CAMTA2: variants seen among roughly 807,000 people sequenced by gnomAD.
CAMTA2 encodes the protein calmodulin-binding transcription activator 2.
Under a neutral mutation model 135.7 loss-of-function variants are expected in CAMTA2, and 56 were observed. The observed-to-expected ratio is 0.41, with a 90% CI of 0.33 to 0.52. The LOEUF (loss-of-function observed/expected upper bound fraction) is 0.52, where lower values mean the gene tolerates loss of function less well. Ranked by LOEUF, CAMTA2 falls within the 20% of genes least tolerant of loss-of-function variation. CAMTA2 has a pLI of 0.16. For synonymous variants in CAMTA2, 591 were observed against 604.6 expected (o/e 0.98, Z 0.33); for missense variants, 1,358 against 1,553.4 (o/e 0.87, Z 2.11).
At chr17:4,987,198 A>G (rs1973401997) in intron 1 of CAMTA2, 2 of 1,336,590 alleles carry the variant, frequency 1.5e-6, no homozygotes, top group African/African-American at 1.5e-5. Context: ...CTTGGGCTGC[A>G]CTTGGGCGGC....
At chr17:4,981,052 C>T (rs547220486) in intron 8 of CAMTA2, among the ~76,000 whole-genome samples, 173 bp downstream of exon 8, 2 of 152,268 alleles carry the variant, frequency 1.3e-5, no homozygotes, top group African/African-American at 2.4e-5. Context: ...AGGCTGATTC[C>T]GAGCCAGTGT....
intron 17 of CAMTA2, 62 bp downstream of exon 17, chr17:4,970,278 G>C (rs1972196389): frequency 1.3e-6 from 2 of 1,579,594 alleles, no homozygotes; most frequent in South Asian, 1.1e-5. Flanking sequence ...GGGAAAGCCA[G>C]CTTTCTCCCT....
intron 10 of CAMTA2, among the ~76,000 whole-genome samples, chr17:4,977,853 T>A (rs1034404326): frequency 6.6e-6 from 1 of 152,188 alleles, no homozygotes; most frequent in Non-Finnish European, 1.5e-5. Flanking sequence ...AGATGAACCT[T>A]GGCAATGAAG....
At chr17:4,979,611 G>T in intron 9 of CAMTA2, 73 bp downstream of exon 9, 1 of 1,091,454 alleles carries the variant, frequency 9.2e-7, no homozygotes, top group Non-Finnish European at 1.4e-6. Context: ...CGGGGTAAGA[G>T]TTAATACAAT....
chr17:4,974,355 C>T (rs750279488), intron 12 of CAMTA2, 30 bp downstream of exon 12: 9 of 1,425,866 alleles, frequency 6.3e-6, no homozygotes, highest in East Asian at 2.3e-5. Flanking sequence ...TGCTCCCCAC[C>T]GTAGACCACC....
At chr17:4,971,992 T>A (rs1972319243) in intron 16 of CAMTA2, among the ~76,000 whole-genome samples, 2 of 150,996 alleles carry the variant, frequency 1.3e-5, no homozygotes, top group Admixed American at 1.3e-4. Context: ...CCCGGCCAAA[T>A]TTTTTTTTTC....
rs1325507256 is a variant in CAMTA2, at chr17:4,978,584, T to A, written c.1685A>T (p.Glu562Val). 5 of 1,614,044 alleles carry A rather than the reference T, an allele frequency of 3.1e-6. No homozygotes were observed. The highest frequency in any genetic ancestry group is 4.2e-6 in the Non-Finnish European group (5 of 1,180,002). Residue 562 changes from glutamate (E) to valine (V), a missense_variant, in exon 10 of 23, where the codon GAG becomes GTG. Physicochemically the swap from Glu to Val is moderately radical, Grantham distance 121. Around this residue, in one of 4 missense-constraint regions of CAMTA2, gnomAD observed 1,077 missense variants for 1,127.5 expected, o/e 0.96. Coordinates refer to ENST00000348066, the MANE Select transcript of CAMTA2 (RefSeq NM_015099.4). Reference protein sequence around the residue: ...LITGPWTEAAEHYSCVFDHIA... With the variant: ...LITGPWTEAAVHYSCVFDHIA... ...GTGATCAAAGACACAGGAGTAATGC[T>A]CGGCGGCTTCGGTCCAAGGACCTGT...
intron 16 of CAMTA2, among the ~76,000 whole-genome samples, chr17:4,972,010 T>C (rs958914611): frequency 8.5e-5 from 13 of 152,164 alleles, no homozygotes; most frequent in Non-Finnish European, 1.5e-4. Context: ...TTCCAACATC[T>C]GTATTGTGGG....
At position 4,983,067 on chromosome 17, in the gene CAMTA2, TG is replaced by T. The variant is rs749396995; in HGVS notation, c.136-25del. The T allele has an allele frequency of 8.9e-5, 142 of 1,599,916 alleles. No homozygotes were observed. The Middle Eastern group carries it at 4.9e-3, about 55-fold the overall frequency. On this transcript the variant is annotated intron_variant, in intron 3 of 22. Transcript: ENST00000348066. ...TCCTGTAGGAGAGGAGGCACTCAGCTGGGCATCTCCTTCACAGAGAGTCTCA... is the reference window on the plus strand; with the variant it reads ...TCCTGTAGGAGAGGAGGCACTCAGCTGGCATCTCCTTCACAGAGAGTCTCA...
intron 11 of CAMTA2, among the ~76,000 whole-genome samples, chr17:4,975,488 G>A (rs752709655): frequency 4.6e-5 from 7 of 152,108 alleles, no homozygotes; most frequent in South Asian, 4.2e-4. Flanking sequence ...TAGGAGAGAC[G>A]GTAAAACGTA....
rs1272106471 is a variant in CAMTA2 at position 4,968,400 on chromosome 17, A to C, written c.*356T>G. 2.5e-6 allele frequency: 1 copy of C among 406,546 alleles called. No homozygotes were observed. The allele number at this position is 406,546 out of a possible 1,614,324, so 25.2% of individuals were successfully genotyped here. A position where few individuals can be genotyped will look rare whatever the true frequency, so the allele number is the denominator to read the frequency against. ...CAGTGGTGGGAACCGAGGCGGATAC[A>C]TTCAGAGACGCGTCGAACAAATAAA... is the stretch of plus-strand genomic sequence containing the variant. On this transcript the variant is annotated 3_prime_UTR_variant, in exon 23 of 23. Transcript: ENST00000348066.
intron 16 of CAMTA2, among the ~76,000 whole-genome samples, chr17:4,971,777 C>CCAG (rs1432845539): frequency 3.3e-5 from 5 of 150,830 alleles, no homozygotes; most frequent in African/African-American, 1.2e-4. Context: ...CAGCCTGTGC[C>CCAG]TCCTGGGTTC....
intron 17 of CAMTA2, 127 bp from the exon 18 acceptor site, chr17:4,970,212 G>A (rs1972191544): frequency 7.2e-7 from 1 of 1,394,686 alleles, no homozygotes; most frequent in South Asian, 1.3e-5. Flanking sequence ...TCATCAGCCA[G>A]TTCAGTTCGC....
chr17:4,974,594 C>T (rs887976073), intron 11 of CAMTA2, 94 bp from the exon 12 acceptor site: 1 of 758,988 alleles, frequency 1.3e-6, no homozygotes, highest in Non-Finnish European at 2.4e-6. Context: ...GGGATGAGGA[C>T]ACAGAACCAT....
rs761411967 is a variant in CAMTA2, at chr17:4,980,528, G to C, written c.794C>G (p.Pro265Arg). 6.2e-7 allele frequency: 1 copy of C among 1,612,960 alleles called. No individual in the cohort carries two copies. Among genetic ancestry groups the C allele is most frequent in the South Asian group, 1.1e-5 (1 of 91,050 alleles). ...AGGAGGCTCTGGGGGGTGAGCGTGG[G>C]GGATAGAGGTCAGGGTTAAAGCTCG... ...EPRALTLTSI[P>R]HAHPPEPPPL... The change falls in exon 9 of 23, where the codon CCC becomes CGC. Residue 265 changes from proline to arginine, a missense_variant. Transcript: ENST00000348066. This position sits in a 1 kb window ranked among gnomAD's most constrained non-coding sequence, Gnocchi z 5.3.
In CAMTA2 at chr17:4,986,820, G is replaced by C. The variant is rs1370999574; in HGVS notation, c.-64-534C>G. Reference sequence around the variant, plus strand: ...CCTATTCTCTCCTCCAGGTTGGTTAGGACCTGATAGAATCTGGGCCAGACA... The same window carrying C: ...CCTATTCTCTCCTCCAGGTTGGTTACGACCTGATAGAATCTGGGCCAGACA... On this transcript the variant is annotated intron_variant, in intron 1 of 22. Coordinates refer to ENST00000348066, the MANE Select transcript of CAMTA2 (RefSeq NM_015099.4). 1.4e-5 allele frequency: 10 copies of C among 710,668 alleles called. No homozygotes were observed. In the East Asian group the frequency reaches 2.9e-4, roughly 20 times the overall value. 44.0% of individuals were successfully genotyped at this position (710,668 alleles called of 1,614,324 possible). A position where few individuals can be genotyped will look rare whatever the true frequency, so the allele number is the denominator to read the frequency against.
intron 11 of CAMTA2, 97 bp downstream of exon 11, chr17:4,976,961 G>T: frequency 1.7e-6 from 2 of 1,188,316 alleles, no homozygotes; most frequent in Non-Finnish European, 2.3e-6. Context: ...TAAAGTGGGG[G>T]CTCAGTGATG....
chr17:4,970,173 C>G (rs1972187353), intron 17 of CAMTA2, 88 bp from the exon 18 acceptor site: 1 of 1,448,824 alleles, frequency 6.9e-7, no homozygotes, highest in Non-Finnish European at 9.6e-7. Flanking sequence ...AAACCACCAG[C>G]AACTGAGTCT....
rs1973398994 is a variant in CAMTA2, at chr17:4,987,171, C to CGGAGCG, written c.-65+416_-65+421dup. The stretch of plus-strand genomic sequence containing the variant: ...CCTGGCTAGGCAGCCTGCCAGGGTG[C>CGGAGCG]GGAGCGGGAGCGGGTCCTTGGGCTG... On this transcript the variant is annotated intron_variant, in intron 1 of 22. Transcript: ENST00000348066. 14 of 1,344,458 alleles carry CGGAGCG rather than the reference C, an allele frequency of 1.0e-5. No individual in the cohort carries two copies. In the South Asian group the frequency reaches 2.3e-4, roughly 22 times the overall value. 83.3% of individuals were successfully genotyped at this position (1,344,458 alleles called of 1,614,324 possible).
Sources: allele counts gnomAD v4.1 joint callset (sites outside exome capture counted in the v4.1 genomes callset), GRCh38; gene constraint gnomAD v4.1.1; regional missense constraint gnomAD v4.1.1; non-coding constraint Gnocchi (gnomAD v3.1); transcripts MANE v1.5; gene names NCBI Gene and HGNC (gene_info 2026-07-23, HGNC 2026-07-21).